The following TIPRL variants were observed in gnomAD, a reference collection of about 807,000 sequenced individuals.
The protein encoded by TIPRL is TOR signaling pathway regulator.
TIPRL carries 10 observed loss-of-function variants against 32.3 expected under a neutral mutation model. The observed-to-expected ratio is 0.31, with a 90% CI of 0.19 to 0.52. The LOEUF (loss-of-function observed/expected upper bound fraction) is 0.52, where lower values mean the gene tolerates loss of function less well. Ranked by LOEUF, TIPRL falls within the 20% of genes least tolerant of loss-of-function variation. The pLI is 0.96. For synonymous variants in TIPRL, 100 were observed against 114.0 expected, an observed-to-expected ratio of 0.88 and a Z score of 0.78; for missense variants, 250 against 328.1, an observed-to-expected ratio of 0.76 and a Z score of 1.84.
At chr1:168,195,029 G>T (rs2102312463) in intron 4 of TIPRL, among the ~76,000 whole-genome samples, 1 of 152,322 alleles carries the variant, frequency 6.6e-6, no homozygotes, top group South Asian at 2.1e-4. Context: ...GAAATCTGAA[G>T]GACAAGTGAA....
intron 2 of TIPRL, 44 bp downstream of exon 2, chr1:168,184,125 T>C: frequency 6.4e-7 from 1 of 1,551,004 alleles, no homozygotes; most frequent in Non-Finnish European, 8.8e-7. Flanking sequence ...GGTAATTAGG[T>C]TAAACAAAAG....
chr1:168,191,484 G>A lies in TIPRL; in HGVS notation c.500G>A (p.Ser167Asn). 6.6e-7 allele frequency: 1 copy of A among 1,504,450 alleles called. No homozygotes were observed. The highest frequency in any genetic ancestry group is 8.8e-7 in the Non-Finnish European group (1 of 1,135,838). 93.2% of individuals were successfully genotyped at this position (1,504,450 alleles called of 1,614,324 possible). A position where few individuals can be genotyped will look rare whatever the true frequency, so the allele number is the denominator to read the frequency against. ...GAACTTCATGATCATGGAGTTTCAA[G>A]CCTGAGTGTGAAGATTGTGAGTATT... Reference protein sequence around the residue: ...EDELHDHGVSSLSVKIRVMPS... With the variant: ...EDELHDHGVSNLSVKIRVMPS... Residue 167 changes from serine (S) to asparagine (N), a missense_variant, in exon 4 of 7, where the codon AGC becomes AAC. Ser to Asn is a conservative substitution (Grantham distance 46). Coordinates refer to ENST00000367833, the MANE Select transcript of TIPRL (RefSeq NM_152902.5).
chr1:168,179,268 T>G, intron 1 of TIPRL, 87 bp downstream of exon 1: 1 of 1,189,698 alleles, frequency 8.4e-7, no homozygotes, highest in South Asian at 1.3e-5. Flanking sequence ...GCCCCTCCCC[T>G]TTTCCCTGAG....
At chr1:168,192,906 A>AAAC (rs1254687634) in intron 4 of TIPRL, among the ~76,000 whole-genome samples, 5 of 150,514 alleles carry the variant, frequency 3.3e-5, no homozygotes, top group African/African-American at 9.8e-5. Context: ...ACAAACAAAC[A>AAAC]AAACAAACAA....
intron 6 of TIPRL, 23 bp downstream of exon 6, chr1:168,199,004 T>C (rs745324474): frequency 1.3e-6 from 2 of 1,580,998 alleles, no homozygotes; most frequent in Non-Finnish European, 1.7e-6. Context: ...ATTTCAGTTT[T>C]TAGAAGTTAA....
intron 1 of TIPRL, among the ~76,000 whole-genome samples, chr1:168,182,441 CAT>C (rs1491254389): frequency 1.3e-5 from 2 of 152,082 alleles, no homozygotes; most frequent in Non-Finnish European, 2.9e-5. Context: ...GCCTGGCCAA[CAT>C]GGTGAAACCC....
intron 6 of TIPRL, 79 bp downstream of exon 6, chr1:168,199,060 A>C: frequency 9.1e-7 from 1 of 1,099,744 alleles, no homozygotes; most frequent in Non-Finnish European, 1.4e-6. Context: ...CCCTGACCCC[A>C]ACCACCCAAG....
intron 1 of TIPRL, among the ~76,000 whole-genome samples, chr1:168,180,129 A>C (rs1025700771): frequency 6.6e-6 from 1 of 152,192 alleles, no homozygotes; most frequent in Non-Finnish European, 1.5e-5. Context: ...GGCCATGTTG[A>C]GGCTGGATTG....
chr1:168,192,364 AAT>A, intron 4 of TIPRL: 6 of 995,836 alleles, frequency 6.0e-6, no homozygotes, highest in Non-Finnish European at 7.4e-6. Flanking sequence ...AAAAAAAAAA[AAT>A]AAAATAAAAT....
intron 3 of TIPRL, among the ~76,000 whole-genome samples, chr1:168,190,921 G>C (rs778606672): frequency 2.6e-5 from 4 of 152,088 alleles, no homozygotes; most frequent in Non-Finnish European, 5.9e-5. Flanking sequence ...TAGGTTTTGG[G>C]GAGTTAGGTT....
At chr1:168,187,413 G>C (rs12068581) in intron 3 of TIPRL, among the ~76,000 whole-genome samples, 5,202 of 152,276 alleles carry the variant, frequency 0.034, 298 homozygotes, top group African/African-American at 0.12. Flanking sequence ...AGGAGTGTGA[G>C]AGTAGTAGAA....
At chr1:168,198,154 C>G (rs1268833302) in intron 5 of TIPRL, among the ~76,000 whole-genome samples, 4 of 152,078 alleles carry the variant, frequency 2.6e-5, no homozygotes, top group Non-Finnish European at 5.9e-5. Flanking sequence ...AAGTATGAAT[C>G]TACTTACATA....
chr1:168,181,745 C>T (rs1699969455), intron 1 of TIPRL, among the ~76,000 whole-genome samples: 1 of 151,730 alleles, frequency 6.6e-6, no homozygotes, highest in Non-Finnish European at 1.5e-5. Flanking sequence ...TCTACGATCT[C>T]CTTATGTATT....
At chr1:168,185,092 T>G (rs1397849272) in intron 3 of TIPRL, among the ~76,000 whole-genome samples, 1 of 152,200 alleles carries the variant, frequency 6.6e-6, no homozygotes, top group Non-Finnish European at 1.5e-5. Flanking sequence ...TTTTTAAAAG[T>G]GTAGTTGGTG....
rs1442373030 is a variant in TIPRL, at chr1:168,191,399, G to C, written c.415G>C (p.Glu139Gln). ...VVPTTDHIDT[E>Q]KLKAREQIKF... is the part of the protein sequence containing the mutation. Reference sequence around the variant, plus strand: ...ACCTACAACAGATCATATAGATACAGAAAAATTGAAAGCCAGAGAACAGAT... The same window carrying C: ...ACCTACAACAGATCATATAGATACACAAAAATTGAAAGCCAGAGAACAGAT... Residue 139 changes from glutamate (E) to glutamine (Q), a missense_variant, in exon 4 of 7, where the codon GAA becomes CAA. Glu to Gln is a conservative substitution (Grantham distance 29, BLOSUM62 2). Transcript: ENST00000367833. 12 of 1,532,912 alleles carry C rather than the reference G, an allele frequency of 7.8e-6. No homozygotes were observed. The highest frequency in any genetic ancestry group is 1.0e-5 in the Non-Finnish European group (12 of 1,152,262). The allele number at this position is 1,532,912 out of a possible 1,614,324, so 95.0% of individuals were successfully genotyped here.
At position 168,191,706 on chromosome 1, in the gene TIPRL, A is replaced by G. The variant is rs530903345; in HGVS notation, c.516+206A>G. 2.6e-5 allele frequency among the ~76,000 whole-genome samples: 4 copies of G among 152,032 alleles called. No homozygotes were observed. In the South Asian group the frequency reaches 8.3e-4, roughly 32 times the overall value. On this transcript the variant is annotated intron_variant, in intron 4 of 6. Transcript: ENST00000367833. ...GCTAACACAGTGAAACCCCGTCTCTACTAAAAACACAAAAAGTTAGCTGGG... is the reference window on the plus strand; with the variant it reads ...GCTAACACAGTGAAACCCCGTCTCTGCTAAAAACACAAAAAGTTAGCTGGG...
At chr1:168,194,814 G>T (rs1700135417) in intron 4 of TIPRL, among the ~76,000 whole-genome samples, 1 of 152,142 alleles carries the variant, frequency 6.6e-6, no homozygotes, top group East Asian at 1.9e-4. Flanking sequence ...TGTGTGCTAG[G>T]TACTTTTCTA....
At chr1:168,189,449 G>A (rs891926766) in intron 3 of TIPRL, among the ~76,000 whole-genome samples, 2 of 152,122 alleles carry the variant, frequency 1.3e-5, no homozygotes, top group African/African-American at 4.8e-5. Flanking sequence ...GGGTTCAAGC[G>A]ATTCTCCTGC....
chr1:168,196,599 A>T lies in TIPRL; in HGVS notation c.569A>T (p.Asp190Val). 6.2e-7 allele frequency: 1 copy of T among 1,600,292 alleles called. No individual in the cohort carries two copies. The highest frequency in any genetic ancestry group is 8.5e-7 in the Non-Finnish European group (1 of 1,174,420). Residue 190 changes from aspartate (D) to valine (V), a missense_variant, in exon 5 of 7, where the codon GAT becomes GTT. Transcript: ENST00000367833. ...CTGTTGCGGTTTTTCTTGAGAATTG[A>T]TGGGGTGCTTATCAGAATGAATGAC... Reference protein sequence around the residue: ...FLLLRFFLRIDGVLIRMNDTR... With the variant: ...FLLLRFFLRIVGVLIRMNDTR...
Sources: gnomAD v4.1 joint callset for allele counts (sites outside exome capture counted in the v4.1 genomes callset) on GRCh38, gnomAD v4.1.1 for gene constraint, MANE v1.5 for transcripts, NCBI Gene and HGNC (gene_info 2026-07-23, HGNC 2026-07-21) for gene names.